KIF6: variants seen among roughly 807,000 people sequenced by gnomAD.
The protein encoded by KIF6 is kinesin-like protein KIF6.
A neutral mutation model predicts 112.7 loss-of-function variants in KIF6; 106 were observed. That is an observed-to-expected ratio of 0.94 (90% CI 0.80 to 1.11). The LOEUF (loss-of-function observed/expected upper bound fraction) is 1.11. Among genes scored for constraint, KIF6 ranks in the 50% least tolerant of loss-of-function variants. KIF6 has a pLI of 0.00. For missense variants in KIF6, 929 were observed against 964.0 expected (o/e 0.96, Z 0.48); for synonymous variants, 339 against 339.9 (o/e 1.00, Z 0.03).
chr6:39,335,677 T>C lies in KIF6; in HGVS notation c.*855A>G, dbSNP rs1181594472. Reference sequence around the variant, plus strand: ...AGAACCTCCTTGAGGGCTGCCCACCTTCCCTTGGATCTGTCATGGAGAGGG... The same window carrying C: ...AGAACCTCCTTGAGGGCTGCCCACCCTCCCTTGGATCTGTCATGGAGAGGG... On this transcript the variant is annotated 3_prime_UTR_variant, in exon 23 of 23. Coordinates refer to ENST00000287152, the MANE Select transcript of KIF6 (RefSeq NM_145027.6). 1 of 152,136 alleles carries C rather than the reference T, an allele frequency of 6.6e-6. No individual in the cohort carries two copies. The highest frequency in any genetic ancestry group is 1.5e-5 in the Non-Finnish European group (1 of 68,028). The allele number at this position is 152,136 out of a possible 1,614,324, so 9.4% of individuals were successfully genotyped here.
chr6:39,343,431 G>C lies in KIF6; in HGVS notation c.2428+278C>G. 7.1e-7 allele frequency: 1 copy of C among 1,405,684 alleles called. No individual in the cohort carries two copies. The highest frequency in any genetic ancestry group is 1.2e-5 in the South Asian group (1 of 82,050). 87.1% of individuals were successfully genotyped at this position (1,405,684 alleles called of 1,614,324 possible). ...TTTGGGAACAGAGAACAAAGGAGCTGAAGATCTGGAAGAGACAGAGAGCAA... is the reference window on the plus strand; with the variant it reads ...TTTGGGAACAGAGAACAAAGGAGCTCAAGATCTGGAAGAGACAGAGAGCAA... On this transcript the variant is annotated intron_variant, in intron 22 of 22. Transcript: ENST00000287152. This position sits in a 1 kb window ranked among gnomAD's most constrained non-coding sequence, Gnocchi z 4.1.
At chr6:39,344,456 T>G (rs1482089469) in intron 21 of KIF6, among the ~76,000 whole-genome samples, 7 of 152,230 alleles carry the variant, frequency 4.6e-5, no homozygotes, top group African/African-American at 1.7e-4. Flanking sequence ...CCAGGCTGTG[T>G]ATGATATGAC....
chr6:39,494,616 G>A (rs1775667652), intron 13 of KIF6, among the ~76,000 whole-genome samples: 1 of 152,080 alleles, frequency 6.6e-6, no homozygotes, highest in Non-Finnish European at 1.5e-5. Flanking sequence ...AAATCCTAAT[G>A]TTCCGACGTA....
intron 18 of KIF6, among the ~76,000 whole-genome samples, chr6:39,358,854 CAGTT>C (rs1409691915): frequency 2.6e-5 from 4 of 152,218 alleles, no homozygotes; most frequent in African/African-American, 7.2e-5. Context: ...TATCACCTGA[CAGTT>C]GGTGTAGAGA....
At chr6:39,537,134 C>G (rs1024570905) in intron 13 of KIF6, among the ~76,000 whole-genome samples, 1 of 152,100 alleles carries the variant, frequency 6.6e-6, no homozygotes, top group Non-Finnish European at 1.5e-5. Flanking sequence ...AAACTGGAAG[C>G]ATTCCCTTTG....
At chr6:39,341,558 T>C (rs1286065999) in intron 22 of KIF6, among the ~76,000 whole-genome samples, 1 of 152,128 alleles carries the variant, frequency 6.6e-6, no homozygotes, top group African/African-American at 2.4e-5. Flanking sequence ...CATGATGACT[T>C]GCATATTTCT....
chr6:39,443,155 A>ATAATAAT (rs1772052423), intron 13 of KIF6, among the ~76,000 whole-genome samples: 3 of 123,312 alleles, frequency 2.4e-5, no homozygotes, highest in African/African-American at 9.6e-5. Flanking sequence ...AATAATAATA[A>ATAATAAT]TAATAAATAA....
At chr6:39,575,842 T>C (rs971846804) in intron 10 of KIF6, among the ~76,000 whole-genome samples, 3 of 152,316 alleles carry the variant, frequency 2.0e-5, no homozygotes, top group African/African-American at 7.2e-5. Context: ...GCTGCACCCA[T>C]GCCTTAGTCT....
chr6:39,355,436 C>A (rs1034750991), intron 19 of KIF6, among the ~76,000 whole-genome samples: 1 of 146,606 alleles, frequency 6.8e-6, no homozygotes, highest in Non-Finnish European at 1.5e-5. Flanking sequence ...GGCTCACTGG[C>A]TGGCCTTTTA....
chr6:39,714,593 A>G (rs1322719945), intron 3 of KIF6, 99 bp downstream of exon 3: 6 of 757,658 alleles, frequency 7.9e-6, no homozygotes, highest in Non-Finnish European at 2.3e-6. Context: ...CAGCCTAAGT[A>G]TATAATTGAT....
intron 3 of KIF6, among the ~76,000 whole-genome samples, chr6:39,708,166 C>T (rs1384557672): frequency 6.6e-6 from 1 of 152,148 alleles, no homozygotes; most frequent in East Asian, 1.9e-4. Context: ...AAAAGTCCTG[C>T]TGGGCAATGA....
intron 15 of KIF6, among the ~76,000 whole-genome samples, chr6:39,399,105 C>T (rs558181151): frequency 6.6e-6 from 1 of 152,302 alleles, no homozygotes; most frequent in East Asian, 1.9e-4. Context: ...TTGCCCTGTT[C>T]GAGTTGAACT....
chr6:39,496,907 T>C (rs954236834), intron 13 of KIF6, among the ~76,000 whole-genome samples: 2 of 152,236 alleles, frequency 1.3e-5, no homozygotes, highest in Non-Finnish European at 2.9e-5. Context: ...ACTTAAAACG[T>C]CTAACTCTTG....
intron 3 of KIF6, among the ~76,000 whole-genome samples, chr6:39,679,355 G>A (rs1787365714): frequency 6.6e-6 from 1 of 152,138 alleles, no homozygotes; most frequent in Non-Finnish European, 1.5e-5. Context: ...CCTCACTGAT[G>A]CTTACCTTAC....
intron 10 of KIF6, among the ~76,000 whole-genome samples, chr6:39,562,743 T>C (rs1478592768): frequency 1.3e-5 from 2 of 152,258 alleles, no homozygotes; most frequent in South Asian, 2.1e-4. Context: ...AAATGTCTAA[T>C]CCAATGCCTA....
rs1330231384 is a variant in KIF6, at chr6:39,350,277, T to C, written c.2181-3751A>G. Reference sequence around the variant, plus strand: ...CAAAATATTACAAAATGTGGGCTGGTAAATGCCAACACCTACTAGATAACA... The same window carrying C: ...CAAAATATTACAAAATGTGGGCTGGCAAATGCCAACACCTACTAGATAACA... On this transcript the variant is annotated intron_variant, in intron 19 of 22. Transcript: ENST00000287152. Among the ~76,000 whole-genome samples, 3 of 152,118 alleles carry C rather than the reference T, an allele frequency of 2.0e-5. 1 individual carries two copies. The highest frequency in any genetic ancestry group is 2.0e-4 in the Admixed American group (3 of 15,268).
intron 10 of KIF6, among the ~76,000 whole-genome samples, chr6:39,572,511 T>C (rs190715743): frequency 7.4e-4 from 112 of 152,246 alleles, no homozygotes; most frequent in Non-Finnish European, 1.3e-3. Flanking sequence ...TCCAGATGTT[T>C]AGAGGTATCC....
At chr6:39,711,751 T>C (rs1215188866) in intron 3 of KIF6, among the ~76,000 whole-genome samples, 8 of 152,146 alleles carry the variant, frequency 5.3e-5, no homozygotes. Context: ...GAAATAGGTA[T>C]AACTTTGAGA....
intron 16 of KIF6, among the ~76,000 whole-genome samples, chr6:39,369,172 C>G (rs947379323): frequency 6.6e-6 from 1 of 152,160 alleles, no homozygotes; most frequent in Non-Finnish European, 1.5e-5. Flanking sequence ...TCTGGCTTCC[C>G]AATCAGACCA....
Sources: allele counts gnomAD v4.1 joint callset (sites outside exome capture counted in the v4.1 genomes callset), GRCh38; gene constraint gnomAD v4.1.1; non-coding constraint Gnocchi (gnomAD v3.1); transcripts MANE v1.5; gene names NCBI Gene and HGNC (gene_info 2026-07-23, HGNC 2026-07-21).